The following RAD51B variants were observed in gnomAD, a reference collection of about 807,000 sequenced individuals.
RAD51B encodes the protein DNA repair protein RAD51 homolog 2.
Under a neutral mutation model 42.2 loss-of-function variants are expected in RAD51B, and 38 were observed. The observed-to-expected ratio is 0.90, with a 90% CI of 0.70 to 1.18. The LOEUF is 1.18. Among genes scored for constraint, RAD51B ranks in the 50% most tolerant of loss-of-function variants. The pLI, the probability that RAD51B is intolerant of heterozygous loss-of-function variation, is 0.00. For missense variants in RAD51B, 373 were observed against 400.7 expected (o/e 0.93, Z 0.59); for synonymous variants, 154 against 145.2 (o/e 1.06, Z -0.43).
chr14:68,460,884 C>A (rs1190470633), intron 9 of RAD51B, among the ~76,000 whole-genome samples: 1 of 152,146 alleles, frequency 6.6e-6, no homozygotes, highest in East Asian at 1.9e-4. Flanking sequence ...AAGAGGGAAC[C>A]AGATAAGTCC....
chr14:67,841,544 G>C (rs911797574), intron 4 of RAD51B, among the ~76,000 whole-genome samples: 2 of 152,150 alleles, frequency 1.3e-5, no homozygotes, highest in Non-Finnish European at 2.9e-5. Flanking sequence ...GGATTTTTAT[G>C]GGTTGGGTCT....
At chr14:68,020,786 T>A (rs989428525) in intron 7 of RAD51B, among the ~76,000 whole-genome samples, 2 of 152,160 alleles carry the variant, frequency 1.3e-5, no homozygotes, top group Admixed American at 6.5e-5. Context: ...TAAAAAACAT[T>A]GATTGTTTAC....
chr14:67,941,712 A>G (rs1317925134), intron 7 of RAD51B, among the ~76,000 whole-genome samples: 1 of 152,218 alleles, frequency 6.6e-6, no homozygotes, highest in South Asian at 2.1e-4. Context: ...GGACATAGAG[A>G]TATAGCACAG....
At position 67,825,538 on chromosome 14, in the gene RAD51B, A is replaced by C. The variant is rs781105366; in HGVS notation, c.159A>C (p.Leu53=). ...GTTATCGAGGTGTCCATGAACTTCT[A>C]TGTATGGTCAGCAGGGCCTGTGCCC... ...GLSYRGVHEL[L]CMVSRACAPK... is the part of the protein sequence containing the mutation. Residue 53 remains leucine (L), a synonymous_variant, in exon 3 of 11, where the codon CTA becomes CTC. Transcript: ENST00000471583. 6.2e-7 allele frequency: 1 copy of C among 1,613,476 alleles called. No homozygotes were observed. The highest frequency in any genetic ancestry group is 1.1e-5 in the South Asian group (1 of 91,010).
intron 7 of RAD51B, among the ~76,000 whole-genome samples, chr14:68,229,771 G>A (rs970118677): frequency 1.4e-4 from 21 of 152,170 alleles, no homozygotes; most frequent in African/African-American, 4.8e-4. Flanking sequence ...ACACAACAGG[G>A]CAAGATCCTG....
chr14:68,480,937 C>T (rs960362171), downstream of RAD51B, among the ~76,000 whole-genome samples: 3 of 152,134 alleles, frequency 2.0e-5, no homozygotes, highest in African/African-American at 4.8e-5. Context: ...ATTGCCAGCT[C>T]TTGGGGGGTT....
chr14:68,064,533 A>T (rs2076619062), intron 7 of RAD51B, among the ~76,000 whole-genome samples: 1 of 152,064 alleles, frequency 6.6e-6, no homozygotes, highest in Non-Finnish European at 1.5e-5. Context: ...TTTATTAAAT[A>T]GTTTTTATAG....
At chr14:67,998,629 G>A (rs1196739042) in intron 7 of RAD51B, among the ~76,000 whole-genome samples, 5 of 152,150 alleles carry the variant, frequency 3.3e-5, no homozygotes, top group Non-Finnish European at 7.3e-5. Flanking sequence ...CGCTGCAGCC[G>A]CAAGTGCCAC....
chr14:68,420,678 T>A (rs1250918572), intron 9 of RAD51B, among the ~76,000 whole-genome samples: 2 of 152,222 alleles, frequency 1.3e-5, no homozygotes, highest in Admixed American at 1.3e-4. Context: ...CATCATCATC[T>A]TGGATTGGTG....
intron 10 of RAD51B, among the ~76,000 whole-genome samples, chr14:68,538,312 AG>A (rs779127568): frequency 8.5e-5 from 13 of 152,156 alleles, no homozygotes; most frequent in Non-Finnish European, 1.6e-4. Context: ...ACAGGTGTGC[AG>A]GCTGGAGCTG....
chr14:67,940,039 T>TA (rs1306630800), intron 7 of RAD51B, among the ~76,000 whole-genome samples: 6 of 12,426 alleles, frequency 4.8e-4, no homozygotes, highest in African/African-American at 1.0e-3. Flanking sequence ...TATATATATA[T>TA]ATATATATAT....
At chr14:68,048,758 T>C (rs1349364153) in intron 7 of RAD51B, among the ~76,000 whole-genome samples, 1 of 152,226 alleles carries the variant, frequency 6.6e-6, no homozygotes, top group Admixed American at 6.5e-5. Context: ...ACACTGTTGA[T>C]GTGATTGTAA....
Position 68,311,045 on chromosome 14 carries a change from G to A in RAD51B, c.853+19065G>A, listed in dbSNP as rs17105383. ...ATGCAGAGTAGATTGTCGGTGCCAT[G>A]TCTACGTTGTTAACTGCAGTCCAAC... On this transcript the variant is annotated intron_variant, in intron 8 of 10. Transcript: ENST00000471583. Among the ~76,000 whole-genome samples, 768 of 152,036 alleles carry A rather than the reference G, an allele frequency of 5.1e-3. 8 individuals carry two copies. The highest frequency in any genetic ancestry group is 0.017 in the African/African-American group (705 of 41,436).
At chr14:67,864,965 T>G (rs1354678497) in intron 4 of RAD51B, 38 bp from the exon 5 acceptor site, 2 of 767,162 alleles carry the variant, frequency 2.6e-6, no homozygotes, top group African/African-American at 1.4e-4. Flanking sequence ...AAAAAACTTT[T>G]TTTTTTTTTT....
At chr14:68,567,724 A>G (rs1188078660) in intron 10 of RAD51B, among the ~76,000 whole-genome samples, 3 of 152,218 alleles carry the variant, frequency 2.0e-5, no homozygotes, top group African/African-American at 7.2e-5. Flanking sequence ...AGTCTTTCCC[A>G]GTGACTGTAA....
intron 7 of RAD51B, among the ~76,000 whole-genome samples, chr14:68,133,245 G>T (rs189675512): frequency 9.9e-5 from 15 of 152,254 alleles, no homozygotes; most frequent in Admixed American, 8.5e-4. Flanking sequence ...GCACATATTG[G>T]TTTATACTAG....
chr14:68,473,145 A>G (rs1420208569), intron 10 of RAD51B, among the ~76,000 whole-genome samples: 1 of 152,180 alleles, frequency 6.6e-6, no homozygotes, highest in Non-Finnish European at 1.5e-5. Flanking sequence ...AAGATTCTCA[A>G]TTTATTTCCA....
At chr14:67,937,375 A>G (rs896533585) in intron 7 of RAD51B, among the ~76,000 whole-genome samples, 4 of 152,200 alleles carry the variant, frequency 2.6e-5, no homozygotes, top group Admixed American at 6.5e-5. Context: ...TTGGTGTCTC[A>G]GGTAAGATAT....
At chr14:68,416,767 C>T (rs2084570736) in intron 9 of RAD51B, among the ~76,000 whole-genome samples, 1 of 152,166 alleles carries the variant, frequency 6.6e-6, no homozygotes, top group Non-Finnish European at 1.5e-5. Context: ...GGGAGTCAGG[C>T]TTCCCCTGGA....
Sources: gnomAD v4.1 joint callset for allele counts (sites outside exome capture counted in the v4.1 genomes callset) on GRCh38, gnomAD v4.1.1 for gene constraint, MANE v1.5 for transcripts, NCBI Gene and HGNC (gene_info 2026-07-23, HGNC 2026-07-21) for gene names.